MANBA: variants seen among roughly 807,000 people sequenced by gnomAD.
MANBA encodes the protein beta-mannosidase.
In MANBA, 83 loss-of-function variants were observed where a neutral mutation model predicts 111.1. The observed-to-expected ratio is 0.75, with a 90% confidence interval of 0.63 to 0.90. The LOEUF (loss-of-function observed/expected upper bound fraction) is 0.90. Ranked by LOEUF, MANBA falls within the 40% of genes least tolerant of loss-of-function variation. The probability of loss-of-function intolerance (pLI) is 0.00; values close to 1 mark genes in which losing one functional copy is unlikely to be tolerated. For synonymous variants in MANBA, 370 were observed against 378.7 expected (o/e 0.98, Z 0.27); for missense variants, 1,036 against 1,069.0 (o/e 0.97, Z 0.43).
chr4:102,737,760 G>C (rs1007618432), intron 1 of MANBA, among the ~76,000 whole-genome samples: 1 of 152,184 alleles, frequency 6.6e-6, no homozygotes, highest in Admixed American at 6.5e-5. Flanking sequence ...GGGATGACAG[G>C]CATGAGCGAC....
At position 102,689,565 on chromosome 4, in the gene MANBA, C is replaced by T. The variant is rs1050926719; in HGVS notation, c.960+9G>A. The stretch of plus-strand genomic sequence containing the variant: ...TTATTTCACAAAATATTTTAAATTA[C>T]TTACTTACCTTAGCTGATTTTTCAA... On this transcript the variant is annotated intron_variant, in intron 7 of 16. Transcript: ENST00000647097. The T allele has an allele frequency of 2.1e-6, 3 of 1,459,270 alleles. No individual in the cohort carries two copies. Among genetic ancestry groups the T allele is most frequent in the Admixed American group, 1.7e-5 (1 of 58,444 alleles). 90.4% of individuals were successfully genotyped at this position (1,459,270 alleles called of 1,614,324 possible). A position where few individuals can be genotyped will look rare whatever the true frequency, so the allele number is the denominator to read the frequency against.
intron 2 of MANBA, among the ~76,000 whole-genome samples, chr4:102,725,998 A>G (rs1722780153): frequency 6.6e-6 from 1 of 152,192 alleles, no homozygotes; most frequent in African/African-American, 2.4e-5. Flanking sequence ...GATATTCTAA[A>G]TATTATCTGT....
chr4:102,651,588 T>C (rs1400354132), intron 12 of MANBA, among the ~76,000 whole-genome samples: 1 of 152,108 alleles, frequency 6.6e-6, no homozygotes, highest in Non-Finnish European at 1.5e-5. Flanking sequence ...TGAAAAAACA[T>C]ACTCTGCCCC....
At chr4:102,639,615 C>A (rs1729776541) in intron 14 of MANBA, 98 bp downstream of exon 14, 2 of 1,506,148 alleles carry the variant, frequency 1.3e-6, no homozygotes, top group Non-Finnish European at 1.8e-6. Context: ...CATAGTTCTG[C>A]CTGGGCTAAT....
chr4:102,650,811 AG>A (rs1305695937), intron 12 of MANBA, 110 bp from the exon 13 acceptor site: 1 of 847,092 alleles, frequency 1.2e-6, no homozygotes, highest in Non-Finnish European at 1.9e-6. Context: ...GAAGACCTTG[AG>A]GTTTGTTCTG....
At chr4:102,706,972 G>C (rs1469601888) in intron 5 of MANBA, among the ~76,000 whole-genome samples, 1 of 152,142 alleles carries the variant, frequency 6.6e-6, no homozygotes, top group Non-Finnish European at 1.5e-5. Flanking sequence ...CAGTGTGCCA[G>C]AAAGCAAACA....
At chr4:102,747,803 C>G (rs562253401) in intron 1 of MANBA, among the ~76,000 whole-genome samples, 150 of 152,246 alleles carry the variant, frequency 9.9e-4, no homozygotes, top group Middle Eastern at 3.4e-3. Context: ...TAAGGAGAGT[C>G]CTAATTTTCT....
intron 5 of MANBA, among the ~76,000 whole-genome samples, chr4:102,696,346 C>T (rs1033581963): frequency 2.7e-4 from 41 of 151,992 alleles, no homozygotes; most frequent in African/African-American, 8.7e-4. Flanking sequence ...GTCTTTGTAA[C>T]CTAAACTAGC....
intron 16 of MANBA, 63 bp from the exon 17 acceptor site, chr4:102,632,344 A>C: frequency 7.8e-7 from 1 of 1,290,194 alleles, no homozygotes; most frequent in Non-Finnish European, 1.1e-6. Flanking sequence ...TAGTCTGTAT[A>C]CAGTTCCTGT....
chr4:102,737,977 G>A (rs983714505), intron 1 of MANBA, among the ~76,000 whole-genome samples: 10 of 152,096 alleles, frequency 6.6e-5, no homozygotes, highest in South Asian at 4.1e-4. Flanking sequence ...AGACCTGGTC[G>A]CCAAAGACAA....
intron 1 of MANBA, among the ~76,000 whole-genome samples, chr4:102,760,266 T>C (rs1315459900): frequency 6.6e-6 from 1 of 152,222 alleles, no homozygotes; most frequent in East Asian, 1.9e-4. Flanking sequence ...TCTGACTCCC[T>C]GACGCTTAAC....
intron 9 of MANBA, 26 bp from the exon 10 acceptor site, chr4:102,669,075 C>T (rs772954675): frequency 2.0e-6 from 3 of 1,489,148 alleles, no homozygotes; most frequent in Non-Finnish European, 2.8e-6. Flanking sequence ...AAAGGGAATG[C>T]AACACTTCCA....
intron 5 of MANBA, among the ~76,000 whole-genome samples, chr4:102,705,047 C>A (rs755696970): frequency 6.6e-6 from 1 of 152,096 alleles, no homozygotes; most frequent in African/African-American, 2.4e-5. Context: ...GATCACCTAT[C>A]AAAAAACACT....
intron 10 of MANBA, chr4:102,666,934 T>C (rs577530488): frequency 2.6e-5 from 4 of 152,330 alleles, no homozygotes; most frequent in African/African-American, 4.8e-5. Context: ...CATAGTGTAA[T>C]AGAAATCGCT....
At chr4:102,714,386 T>C in intron 5 of MANBA, 52 bp downstream of exon 5, 1 of 1,535,862 alleles carries the variant, frequency 6.5e-7, no homozygotes, top group Non-Finnish European at 9.0e-7. Flanking sequence ...TAAACCCAAT[T>C]TTTATAACAA....
chr4:102,753,779 C>A (rs534413485), intron 1 of MANBA: 8 of 162,998 alleles, frequency 4.9e-5, no homozygotes, highest in Non-Finnish European at 8.1e-5. Flanking sequence ...AACAAAGGGG[C>A]CTTATAAATC....
intron 7 of MANBA, among the ~76,000 whole-genome samples, chr4:102,680,515 C>A (rs1731914228): frequency 6.6e-6 from 1 of 151,790 alleles, no homozygotes; most frequent in African/African-American, 2.4e-5. Context: ...TCTAGGAAAG[C>A]TTTTCTGCAG....
chr4:102,729,771 C>T, intron 1 of MANBA: 1 of 1,225,212 alleles, frequency 8.2e-7, no homozygotes, highest in Non-Finnish European at 1.2e-6. Context: ...GTCCATGTTG[C>T]TCTGAGCCAT....
intron 1 of MANBA, among the ~76,000 whole-genome samples, chr4:102,736,919 G>A (rs1253740679): frequency 6.6e-6 from 1 of 152,220 alleles, no homozygotes; most frequent in African/African-American, 2.4e-5. Context: ...AAAAATGTCT[G>A]CCTCCAAACA....
Sources: allele counts gnomAD v4.1 joint callset (sites outside exome capture counted in the v4.1 genomes callset), GRCh38; gene constraint gnomAD v4.1.1; transcripts MANE v1.5; gene names NCBI Gene and HGNC (gene_info 2026-07-23, HGNC 2026-07-21).